Variants in LIPJ observed in about 807,000 individuals in gnomAD.
The protein encoded by LIPJ is lipase member J.
Under a neutral mutation model 39.8 loss-of-function variants are expected in LIPJ, and 33 were observed. The ratio of observed to expected loss-of-function variants is 0.83; its 90% CI spans 0.63 to 1.11. The LOEUF is 1.11. Among genes scored for constraint, LIPJ ranks in the 50% least tolerant of loss-of-function variants. LIPJ has a pLI of 0.00. For missense variants in LIPJ, 422 were observed against 427.9 expected (o/e 0.99, Z 0.12); for synonymous variants, 128 against 139.2 (o/e 0.92, Z 0.57).
At chr10:88,590,689 T>A (rs1286705191) in exon 3 of LIPJ, 1 of 1,592,674 alleles carries the variant, frequency 6.3e-7, no homozygotes, top group Non-Finnish European at 8.6e-7. Context: ...GAAGCAGATA[T>A]GAATATTGTA....
chr10:88,602,076 C>A (rs1851503320), intron 8 of LIPJ, among the ~76,000 whole-genome samples: 1 of 151,982 alleles, frequency 6.6e-6, no homozygotes, highest in Admixed American at 6.6e-5. Context: ...TAAAATCTTT[C>A]AACTTTGACA....
At chr10:88,616,507 G>A in the LIPJ span, among the ~76,000 whole-genome samples, 1 of 152,368 alleles carries the variant, frequency 6.6e-6, no homozygotes, top group South Asian at 2.1e-4. Flanking sequence ...GCCCTTAACC[G>A]CACCTAGAGG....
upstream of LIPJ, among the ~76,000 whole-genome samples, chr10:88,585,970 A>T (rs987545380): frequency 6.6e-6 from 1 of 152,192 alleles, no homozygotes; most frequent in African/African-American, 2.4e-5. Flanking sequence ...GCTTTCGCTA[A>T]ACTGAATATC....
At chr10:88,621,647 A>T in the LIPJ span, among the ~76,000 whole-genome samples, 1 of 152,150 alleles carries the variant, frequency 6.6e-6, no homozygotes, top group African/African-American at 2.4e-5. Flanking sequence ...AAAATTAGTA[A>T]ATTTTACTAT....
At chr10:88,605,556 T>C (rs1211010771) in intron 9 of LIPJ, 77 bp from the exon 10 acceptor site, 2 of 911,994 alleles carry the variant, frequency 2.2e-6, no homozygotes, top group Middle Eastern at 2.1e-4. Flanking sequence ...GGGGTATATA[T>C]GCATTGCATG....
At chr10:88,615,340 A>G in the LIPJ span, among the ~76,000 whole-genome samples, 1 of 152,176 alleles carries the variant, frequency 6.6e-6, no homozygotes, top group Non-Finnish European at 1.5e-5. Flanking sequence ...GTTCAACCTC[A>G]TTAGCCATCA....
At chr10:88,604,196 G>A (rs1490551245) in intron 9 of LIPJ, among the ~76,000 whole-genome samples, 1 of 152,160 alleles carries the variant, frequency 6.6e-6, no homozygotes, top group Non-Finnish European at 1.5e-5. Flanking sequence ...GAATAGAAAG[G>A]TTAGGCCAGG....
At chr10:88,614,141 TTGA>T in the LIPJ span, among the ~76,000 whole-genome samples, 1 of 151,866 alleles carries the variant, frequency 6.6e-6, no homozygotes. Context: ...AATTGGTTAT[TTGA>T]TGATATTAAA....
At position 88,591,241 on chromosome 10, in the gene LIPJ, G is replaced by A. The variant is rs117367629; in HGVS notation, c.10-137G>A. On this transcript the variant is annotated intron_variant, in intron 3 of 10. Transcript: ENST00000371939. ...TATCTGTATGAATCAGTAAATTAGT[G>A]AAAATAAAAATAGATAGGCTTGAGG... 9.7e-3 allele frequency: 5,453 copies of A among 564,524 alleles called. 148 individuals are homozygous for A. Among genetic ancestry groups the A allele is most frequent in the South Asian group, 0.073 (2,524 of 34,388 alleles). 35.0% of individuals were successfully genotyped at this position (564,524 alleles called of 1,614,324 possible).
the LIPJ span, among the ~76,000 whole-genome samples, chr10:88,613,104 C>A: frequency 6.6e-6 from 1 of 152,094 alleles, no homozygotes; most frequent in East Asian, 1.9e-4. Context: ...TAGAAGCTAG[C>A]GTAGTTGCAG....
At position 88,605,707 on chromosome 10, in the gene LIPJ, A is replaced by G. The variant is rs1288759254; in HGVS notation, c.867+3A>G. ...TGAACTTGGTTCATTATAATCAGGT[A>G]CATAATTCTCTATAAAAACTCTCTA... On this transcript the variant is annotated splice_donor_region_variant and intron_variant, in intron 10 of 10. Coordinates refer to ENST00000371939, the Ensembl canonical transcript of LIPJ. The G allele has an allele frequency of 6.3e-7, 1 of 1,592,284 alleles. No homozygotes were observed. Among genetic ancestry groups the G allele is most frequent in the African/African-American group, 1.3e-5 (1 of 74,492 alleles).
intron 2 of LIPJ, among the ~76,000 whole-genome samples, chr10:88,587,764 A>T (rs1850956130): frequency 6.6e-6 from 1 of 152,038 alleles, no homozygotes; most frequent in African/African-American, 2.4e-5. Flanking sequence ...ACCAGCATGG[A>T]TGGAAAATTA....
the LIPJ span, among the ~76,000 whole-genome samples, chr10:88,612,934 A>T: frequency 1.3e-5 from 2 of 152,248 alleles, no homozygotes; most frequent in African/African-American, 2.4e-5. Flanking sequence ...AAGAATATAC[A>T]CTGTATTCAT....
At chr10:88,613,830 G>A in the LIPJ span, among the ~76,000 whole-genome samples, 2 of 117,502 alleles carry the variant, frequency 1.7e-5, no homozygotes, top group African/African-American at 3.2e-5. Context: ...ATATATATAT[G>A]TGTGTATATA....
At chr10:88,602,540 T>C (rs766909519) in intron 8 of LIPJ, 36 bp from the exon 9 acceptor site, 62 of 1,464,478 alleles carry the variant, frequency 4.2e-5, no homozygotes, top group South Asian at 6.5e-5. Context: ...ATTCAACTTA[T>C]ATAAAAATGC....
the LIPJ span, among the ~76,000 whole-genome samples, chr10:88,613,884 A>G: frequency 6.8e-6 from 1 of 146,956 alleles, no homozygotes; most frequent in Non-Finnish European, 1.5e-5. Flanking sequence ...TATATGTTAC[A>G]TATATATGTA....
chr10:88,621,934 A>G, the LIPJ span, among the ~76,000 whole-genome samples: 4 of 152,204 alleles, frequency 2.6e-5, no homozygotes, highest in African/African-American at 9.7e-5. Context: ...ATGAGTAATT[A>G]AGAAGAATCC....
At chr10:88,613,565 C>T in the LIPJ span, among the ~76,000 whole-genome samples, 1 of 151,494 alleles carries the variant, frequency 6.6e-6, no homozygotes, top group African/African-American at 2.4e-5. Context: ...AAAGAGAATG[C>T]ACAATTGATA....
At chr10:88,601,947 T>G (rs746447985) in intron 8 of LIPJ, among the ~76,000 whole-genome samples, 4 of 152,168 alleles carry the variant, frequency 2.6e-5, no homozygotes, top group African/African-American at 7.2e-5. Flanking sequence ...ACTCTACATG[T>G]CTGGTTCACT....
Sources: allele counts gnomAD v4.1 joint callset (sites outside exome capture counted in the v4.1 genomes callset), GRCh38; gene constraint gnomAD v4.1.1; transcripts MANE v1.5; gene names NCBI Gene and HGNC (gene_info 2026-07-23, HGNC 2026-07-21).